PSTPIP2: variants seen among roughly 807,000 people sequenced by gnomAD.
PSTPIP2 encodes the protein proline-serine-threonine phosphatase interacting protein 2, also known as proline-serine-threonine phosphatase-interacting protein 2.
PSTPIP2 carries 33 observed loss-of-function variants against 63.3 expected under a neutral mutation model. The ratio of observed to expected loss-of-function variants is 0.52; its 90% confidence interval spans 0.40 to 0.70. The LOEUF (loss-of-function observed/expected upper bound fraction) is 0.70, where lower values mean the gene tolerates loss of function less well. Ranked by LOEUF, PSTPIP2 falls within the 30% of genes least tolerant of loss-of-function variation. The pLI, the probability that PSTPIP2 is intolerant of heterozygous loss-of-function variation, is 0.00. For synonymous variants in PSTPIP2, 125 were observed against 132.7 expected (o/e 0.94, Z 0.40); for missense variants, 312 against 400.7 (o/e 0.78, Z 1.89).
chr18:46,053,628 A>C (rs1175971818), intron 1 of PSTPIP2, among the ~76,000 whole-genome samples: 2 of 152,212 alleles, frequency 1.3e-5, no homozygotes, highest in Non-Finnish European at 2.9e-5. Context: ...ACTAAACCTC[A>C]ACTAAATTGA....
intron 2 of PSTPIP2, among the ~76,000 whole-genome samples, chr18:46,034,770 A>G (rs538880528): frequency 7.9e-5 from 12 of 152,272 alleles, no homozygotes; most frequent in South Asian, 2.1e-4. Context: ...CTGAACCTCA[A>G]TTTCTTCAAT....
chr18:45,997,854 T>C, intron 8 of PSTPIP2, 26 bp from the exon 9 acceptor site: 1 of 1,603,570 alleles, frequency 6.2e-7, no homozygotes, highest in Non-Finnish European at 8.5e-7. Context: ...GAGACCTGGG[T>C]CAGAAACTAG....
chr18:46,011,501 T>A lies in PSTPIP2; in HGVS notation c.248-214A>T, dbSNP rs540326627. Among the ~76,000 whole-genome samples, 50 of 152,260 alleles carry A rather than the reference T, an allele frequency of 3.3e-4. No homozygotes were observed. In the South Asian group the frequency reaches 7.2e-3, roughly 22 times the overall value. ...AAGCTAGAAGATCTTTAGCTTAGCC[T>A]CCTACCACTACTGTTACTAACCTAG... On this transcript the variant is annotated intron_variant, in intron 4 of 14. Transcript: ENST00000409746.
intron 8 of PSTPIP2, 129 bp from the exon 9 acceptor site, chr18:45,997,957 A>T: frequency 1.4e-6 from 1 of 731,002 alleles, no homozygotes; most frequent in Non-Finnish European, 2.4e-6. Context: ...GGCCCCCAGG[A>T]CTCTGAGCAC....
At chr18:46,035,343 C>T (rs948139232) in intron 2 of PSTPIP2, among the ~76,000 whole-genome samples, 1 of 151,182 alleles carries the variant, frequency 6.6e-6, no homozygotes, top group Non-Finnish European at 1.5e-5. Flanking sequence ...TTGTCTGAAC[C>T]CGGGAGACGG....
At chr18:46,041,682 T>C (rs750289089) in intron 1 of PSTPIP2, among the ~76,000 whole-genome samples, 9 of 152,130 alleles carry the variant, frequency 5.9e-5, no homozygotes, top group Non-Finnish European at 1.3e-4. Context: ...AACCAACAAA[T>C]CAGTCCACTA....
chr18:46,024,094 C>T lies in PSTPIP2; in HGVS notation c.212+515G>A, dbSNP rs1227854815. ...TTTTTTCAGGCCAAGTACAGTGACA[C>T]GCGCCTGTATTCCCAGTGACTTGGA... On this transcript the variant is annotated intron_variant, in intron 3 of 14. Coordinates refer to ENST00000409746, the MANE Select transcript of PSTPIP2 (RefSeq NM_024430.4). 4.0e-5 allele frequency among the ~76,000 whole-genome samples: 6 copies of T among 151,828 alleles called. No homozygotes were observed. In the South Asian group the frequency reaches 1.0e-3, roughly 26 times the overall value.
At position 46,064,282 on chromosome 18, in the gene PSTPIP2, C is replaced by CTTTTTTTTTTTT. The variant is rs56236802; in HGVS notation, c.33+7862_33+7873dup. On this transcript the variant is annotated intron_variant, in intron 1 of 14. Coordinates refer to ENST00000409746, the MANE Select transcript of PSTPIP2 (RefSeq NM_024430.4). ...CTTTTTTTCTTCTTTCTTTTTCTTT[C>CTTTTTTTTTTTT]TTTTTTTTTTTTTTTTTTTTTTTTT... Among the ~76,000 whole-genome samples the CTTTTTTTTTTTT allele has an allele frequency of 6.6e-4, 47 of 71,544 alleles. 2 individuals are homozygous for CTTTTTTTTTTTT. Among genetic ancestry groups the CTTTTTTTTTTTT allele is most frequent in the African/African-American group, 2.7e-3 (41 of 15,428 alleles). The allele number at this position is 71,544 out of a possible 152,430, so 46.9% of individuals were successfully genotyped here. A position where few individuals can be genotyped will look rare whatever the true frequency, so the allele number is the denominator to read the frequency against.
chr18:46,023,997 C>CA (rs1235121894), intron 3 of PSTPIP2, among the ~76,000 whole-genome samples: 2 of 151,960 alleles, frequency 1.3e-5, no homozygotes, highest in Non-Finnish European at 2.9e-5. Context: ...GTTGTGGCTT[C>CA]ATAGTCCACT....
At chr18:46,059,914 C>G (rs2144130908) in intron 1 of PSTPIP2, among the ~76,000 whole-genome samples, 1 of 152,238 alleles carries the variant, frequency 6.6e-6, no homozygotes, top group East Asian at 1.9e-4. Context: ...GCCTGTAATC[C>G]CAGCCACTAG....
chr18:46,010,423 G>A (rs1247899169), intron 5 of PSTPIP2, among the ~76,000 whole-genome samples: 2 of 152,192 alleles, frequency 1.3e-5, no homozygotes, highest in Non-Finnish European at 2.9e-5. Flanking sequence ...TGAGGCCCAG[G>A]TTCCAGTCTT....
Position 46,015,935 on chromosome 18 carries a change from G to C in PSTPIP2, c.215C>G (p.Thr72Ser). 1 of 1,612,048 alleles carries C rather than the reference G, an allele frequency of 6.2e-7. No individual in the cohort carries two copies. Among genetic ancestry groups the C allele is most frequent in the South Asian group, 1.1e-5 (1 of 90,808 alleles). Residue 72 changes from threonine to serine, a missense_variant and splice_region_variant, in exon 4 of 15, where the codon ACC becomes AGC. Physicochemically the swap from Thr to Ser is moderately conservative, Grantham distance 58. Transcript: ENST00000409746. ...GAAGACTTCAAGGGCCCGCTTCAGG[G>C]TGCTAAAAAAAACAAGCACATATAT... The part of the protein sequence containing the change: ...KKPCGQSEIN[T>S]LKRALEVFKQ...
chr18:45,988,202 T>C (rs4890611), intron 14 of PSTPIP2, among the ~76,000 whole-genome samples: 36,458 of 151,766 alleles, frequency 0.24, 6,253 homozygotes, highest in African/African-American at 0.47. Context: ...GAGGCTGAGG[T>C]GGGCAGATCA....
chr18:46,038,753 C>T (rs1377198348), intron 2 of PSTPIP2, among the ~76,000 whole-genome samples: 1 of 152,244 alleles, frequency 6.6e-6, no homozygotes, highest in East Asian at 1.9e-4. Context: ...CACCCGTCCT[C>T]AGGCCTCCAG....
At chr18:45,988,617 G>T in intron 14 of PSTPIP2, 85 bp downstream of exon 14, 1 of 1,182,412 alleles carries the variant, frequency 8.5e-7, no homozygotes, top group Non-Finnish European at 1.3e-6. Flanking sequence ...GTTTGTGGTA[G>T]TGTTATAAAT....
intron 2 of PSTPIP2, chr18:46,029,318 G>A (rs1025864942): frequency 5.8e-5 from 89 of 1,545,632 alleles, no homozygotes; most frequent in Non-Finnish European, 7.8e-5. Context: ...TATCGATGAA[G>A]ACCAAAGAAC....
At chr18:46,016,979 A>G (rs2051858676) in intron 3 of PSTPIP2, among the ~76,000 whole-genome samples, 1 of 152,204 alleles carries the variant, frequency 6.6e-6, no homozygotes, top group South Asian at 2.1e-4. Context: ...AGATTTATCC[A>G]TATGTGCCAT....
At chr18:46,019,332 T>A (rs1447054360) in intron 3 of PSTPIP2, among the ~76,000 whole-genome samples, 1 of 152,198 alleles carries the variant, frequency 6.6e-6, no homozygotes, top group Non-Finnish European at 1.5e-5. Context: ...TACCTTACTT[T>A]TCCCACTCTA....
At chr18:46,020,525 T>TGCCTA (rs1907308566) in intron 3 of PSTPIP2, among the ~76,000 whole-genome samples, 1 of 151,922 alleles carries the variant, frequency 6.6e-6, no homozygotes, top group Admixed American at 6.6e-5. Flanking sequence ...GGGTGGCGAG[T>TGCCTA]GCCTATAATC....
Sources: allele counts gnomAD v4.1 joint callset (sites outside exome capture counted in the v4.1 genomes callset), GRCh38; gene constraint gnomAD v4.1.1; transcripts MANE v1.5; gene names NCBI Gene and HGNC (gene_info 2026-07-23, HGNC 2026-07-21).